The following KDM7A variants were observed in gnomAD, a reference collection of about 807,000 sequenced individuals.
KDM7A encodes lysine demethylase 7A.
Under a neutral mutation model 114.8 loss-of-function variants are expected in KDM7A, and 28 were observed. The ratio of observed to expected loss-of-function variants is 0.24; its 90% confidence interval spans 0.18 to 0.33. The LOEUF (loss-of-function observed/expected upper bound fraction) is 0.33, where lower values mean the gene tolerates loss of function less well. Among genes scored for constraint, KDM7A ranks in the 10% least tolerant of loss-of-function variants. KDM7A has a pLI of 1.00. For missense variants in KDM7A, 942 were observed against 1,142.5 expected (o/e 0.82, Z 2.53); for synonymous variants, 423 against 397.8 (o/e 1.06, Z -0.75).
chr7:140,140,046 A>C (rs577755082), intron 1 of KDM7A, among the ~76,000 whole-genome samples: 110 of 152,342 alleles, frequency 7.2e-4, no homozygotes, highest in Non-Finnish European at 1.3e-3. Context: ...TGCAAGTTCT[A>C]TCAAATATTC....
intron 1 of KDM7A, among the ~76,000 whole-genome samples, chr7:140,141,396 A>T (rs1003011393): frequency 1.3e-5 from 2 of 152,038 alleles, no homozygotes; most frequent in African/African-American, 4.8e-5. Context: ...AAGTATCAAG[A>T]CTTATTTTAA....
At chr7:140,169,091 T>TA (rs1399349188) in intron 1 of KDM7A, among the ~76,000 whole-genome samples, 28 of 152,316 alleles carry the variant, frequency 1.8e-4, no homozygotes, top group Admixed American at 5.2e-4. Flanking sequence ...CCTTGGTTTC[T>TA]AACACTATTC....
At chr7:140,121,824 G>C (rs183375065) in intron 7 of KDM7A, among the ~76,000 whole-genome samples, 1 of 152,054 alleles carries the variant, frequency 6.6e-6, no homozygotes, top group African/African-American at 2.4e-5. Flanking sequence ...TGTATATACA[G>C]ACACCCACAC....
chr7:140,107,947 A>G (rs1221244322), intron 11 of KDM7A, among the ~76,000 whole-genome samples: 1 of 152,010 alleles, frequency 6.6e-6, no homozygotes, highest in East Asian at 1.9e-4. Context: ...ATAGTCCCAT[A>G]TTTCTTGGAG....
chr7:140,100,754 T>TTTTGTTTG (rs199740328), intron 12 of KDM7A, among the ~76,000 whole-genome samples: 5 of 107,708 alleles, frequency 4.6e-5, no homozygotes, highest in African/African-American at 7.3e-5. Flanking sequence ...ATATATATTT[T>TTTTGTTTG]TTTGTTTGTT....
At position 140,129,558 on chromosome 7, in the gene KDM7A, A is replaced by G; in HGVS notation, c.494T>C (p.Leu165Ser). ...AGGGAGCCTGAGTCCTAGATCATCT[A>G]ATTTTGGGACCATAATAGGGACATC... is the stretch of plus-strand genomic sequence containing the variant. ...GFDVPIMVPK[L>S]DDLGLRLPSP... is the part of the protein sequence containing the mutation. Residue 165 changes from leucine to serine, a missense_variant, in exon 4 of 20, where the codon TTA (leucine) becomes TCA (serine). By Grantham distance (145) the Leu-to-Ser change is moderately radical (BLOSUM62 -2). Around this residue, in one of 4 missense-constraint regions of KDM7A, gnomAD observed 318 missense variants for 453.1 expected, o/e 0.70. Coordinates refer to ENST00000397560, the MANE Select transcript of KDM7A (RefSeq NM_030647.2). 1 of 1,613,096 alleles carries G rather than the reference A, an allele frequency of 6.2e-7. No homozygotes were observed.
intron 1 of KDM7A, among the ~76,000 whole-genome samples, chr7:140,175,349 T>C (rs1228932410): frequency 3.9e-5 from 6 of 152,164 alleles, no homozygotes; most frequent in Non-Finnish European, 8.8e-5. Flanking sequence ...GGTCTTGTAG[T>C]GTTTCTGTAA....
chr7:140,132,901 CCTGA>C (rs1297486385), intron 3 of KDM7A, among the ~76,000 whole-genome samples: 1 of 152,158 alleles, frequency 6.6e-6, no homozygotes, highest in Non-Finnish European at 1.5e-5. Context: ...CTTTAACAAG[CCTGA>C]CTATGATCTT....
intron 1 of KDM7A, among the ~76,000 whole-genome samples, chr7:140,145,908 G>T (rs1794334741): frequency 6.6e-6 from 1 of 152,006 alleles, no homozygotes; most frequent in Admixed American, 6.5e-5. Context: ...GAGGGTTAGG[G>T]AAAAAAGGGG....
intron 11 of KDM7A, among the ~76,000 whole-genome samples, chr7:140,110,351 C>T (rs1176200064): frequency 6.6e-6 from 1 of 152,034 alleles, no homozygotes; most frequent in African/African-American, 2.4e-5. Flanking sequence ...AAAAACAGAA[C>T]GTATTTTTCT....
intron 4 of KDM7A, among the ~76,000 whole-genome samples, chr7:140,127,928 A>T (rs1818732051): frequency 6.6e-6 from 1 of 152,234 alleles, no homozygotes; most frequent in South Asian, 2.1e-4. Flanking sequence ...GAAATTGTGC[A>T]ACACTGTCTG....
chr7:140,110,179 T>C (rs1163262674), intron 11 of KDM7A, among the ~76,000 whole-genome samples: 2 of 152,232 alleles, frequency 1.3e-5, no homozygotes, highest in African/African-American at 2.4e-5. Context: ...TAAAGATTTA[T>C]AGTTTTTCTT....
Position 140,089,161 on chromosome 7 carries a change from C to T in KDM7A, c.*1933G>A, listed in dbSNP as rs1817980118. ...TTTGACATCCTGAGATAAGATGACT[C>T]TACCCATCTTTCCACTGGTTTTGGC... On this transcript the variant is annotated 3_prime_UTR_variant, in exon 20 of 20. Transcript: ENST00000397560. The T allele has an allele frequency of 1.3e-5, 2 of 152,168 alleles. No individual in the cohort carries two copies. Among genetic ancestry groups the T allele is most frequent in the Admixed American group, 1.3e-4 (2 of 15,274 alleles). 9.4% of individuals were successfully genotyped at this position (152,168 alleles called of 1,614,324 possible).
intron 1 of KDM7A, among the ~76,000 whole-genome samples, chr7:140,160,733 G>GA (rs999032093): frequency 6.6e-6 from 1 of 152,156 alleles, no homozygotes; most frequent in African/African-American, 2.4e-5. Context: ...TGAGAAAACT[G>GA]AAAAATCAAG....
At chr7:140,124,566 C>A in intron 7 of KDM7A, 55 bp downstream of exon 7, 2 of 1,367,274 alleles carry the variant, frequency 1.5e-6, no homozygotes, top group Admixed American at 2.4e-5. Flanking sequence ...TAGTTAAAAG[C>A]CAACTCCATG....
intron 18 of KDM7A, among the ~76,000 whole-genome samples, chr7:140,093,702 T>G (rs1463507097): frequency 6.6e-6 from 1 of 152,288 alleles, no homozygotes; most frequent in South Asian, 2.1e-4. Context: ...AAATTCAGTA[T>G]CCAAAACCGT....
At chr7:140,127,781 A>G (rs1384281199) in intron 4 of KDM7A, among the ~76,000 whole-genome samples, 198 bp from the exon 5 acceptor site, 2 of 152,246 alleles carry the variant, frequency 1.3e-5, no homozygotes, top group African/African-American at 4.8e-5. Flanking sequence ...TTTCAGAGGA[A>G]AAGGAAAGCA....
At chr7:140,162,985 G>T (rs971743203) in intron 1 of KDM7A, among the ~76,000 whole-genome samples, 23 of 149,594 alleles carry the variant, frequency 1.5e-4, no homozygotes, top group Non-Finnish European at 1.3e-4. Context: ...TAAGATTTTT[G>T]CTTTTCTTTC....
chr7:140,167,741 T>C (rs1794594122), intron 1 of KDM7A, among the ~76,000 whole-genome samples: 2 of 151,770 alleles, frequency 1.3e-5, no homozygotes, highest in Non-Finnish European at 2.9e-5. Flanking sequence ...TGACTCAAAA[T>C]CCAGAACCAA....
Sources: gnomAD v4.1 joint callset for allele counts (sites outside exome capture counted in the v4.1 genomes callset) on GRCh38, gnomAD v4.1.1 for gene constraint, gnomAD v4.1.1 regional missense constraint, MANE v1.5 for transcripts, NCBI Gene and HGNC (gene_info 2026-07-23, HGNC 2026-07-21) for gene names.